The following DNASE2B variants were observed in gnomAD, a reference collection of about 807,000 sequenced individuals.
DNASE2B encodes the protein deoxyribonuclease 2 beta, also known as deoxyribonuclease-2-beta.
A neutral mutation model predicts 46.0 loss-of-function variants in DNASE2B; 43 were observed. That is an observed-to-expected ratio of 0.94 (90% CI 0.73 to 1.21). DNASE2B has a LOEUF of 1.21. Ranked by LOEUF, DNASE2B falls within the 50% of genes most tolerant of loss-of-function variation. The probability of loss-of-function intolerance (pLI) is 0.00; values close to 1 mark genes in which losing one functional copy is unlikely to be tolerated. For synonymous variants in DNASE2B, 156 were observed against 152.5 expected (o/e 1.02, Z -0.17); for missense variants, 395 against 414.4 (o/e 0.95, Z 0.41).
chr1:84,400,464 G>T (rs1489432147), intron 1 of DNASE2B, among the ~76,000 whole-genome samples: 1 of 152,202 alleles, frequency 6.6e-6, no homozygotes, highest in Non-Finnish European at 1.5e-5. Context: ...TAATAGTGTG[G>T]GATGAGCAGA....
chr1:84,408,550 A>C, intron 3 of DNASE2B, 32 bp downstream of exon 3: 1 of 1,579,804 alleles, frequency 6.3e-7, no homozygotes, highest in Non-Finnish European at 8.6e-7. Context: ...TCTCTTTCCT[A>C]CTGGAAATCA....
intron 1 of DNASE2B, among the ~76,000 whole-genome samples, chr1:84,400,694 C>A (rs1472383584): frequency 6.6e-6 from 1 of 152,214 alleles, no homozygotes; most frequent in Admixed American, 6.5e-5. Flanking sequence ...TTCACAAACC[C>A]TTCACTGGTG....
Position 84,399,176 on chromosome 1 carries a change from C to T in DNASE2B, c.125+487C>T, listed in dbSNP as rs138628784. Among the ~76,000 whole-genome samples, 635 of 152,356 alleles carry T rather than the reference C, an allele frequency of 4.2e-3. 9 individuals carry two copies. Among genetic ancestry groups the T allele is most frequent in the African/African-American group, 0.014 (584 of 41,576 alleles). Reference sequence around the variant, plus strand: ...ACATCGGTTTGTTTGGAAGCAGAGGCAGCTGTTGCCATGATTGGTACGTAG... The same window carrying T: ...ACATCGGTTTGTTTGGAAGCAGAGGTAGCTGTTGCCATGATTGGTACGTAG... On this transcript the variant is annotated intron_variant, in intron 1 of 5. Transcript: ENST00000370665.
chr1:84,414,753 A>G lies in DNASE2B; in HGVS notation c.971A>G (p.Asp324Gly). The change falls in exon 6 of 6, where the codon GAC becomes GGC. Residue 324 changes from aspartate (D) to glycine (G), a missense_variant. Asp to Gly is a moderately conservative substitution (Grantham distance 94). Transcript: ENST00000370665. ...AAAAATCGCTGGACATGTATTGGAG[A>G]CCTAAATCGGAGTCCACACCAAGCC... ...GTKNRWTCIG[D>G]LNRSPHQAFR... 6.2e-7 allele frequency: 1 copy of G among 1,614,174 alleles called. No individual in the cohort carries two copies. Among genetic ancestry groups the G allele is most frequent in the Non-Finnish European group, 8.5e-7 (1 of 1,180,020 alleles).
Position 84,404,463 on chromosome 1 carries a change from C to T in DNASE2B, c.303+2385C>T, listed in dbSNP as rs539432917. Among the ~76,000 whole-genome samples the T allele has an allele frequency of 3.7e-3, 558 of 152,286 alleles. 4 individuals carry two copies. The highest frequency in any genetic ancestry group is 5.1e-3 in the Non-Finnish European group (344 of 68,032). On this transcript the variant is annotated intron_variant, in intron 2 of 5. Transcript: ENST00000370665. The stretch of plus-strand genomic sequence containing the variant: ...CCTATAACAGAAATGGCATCTTCAA[C>T]GCTGTAATCCTTTCATGTGTTCTAT...
At chr1:84,412,149 C>T (rs1367743115) in intron 4 of DNASE2B, among the ~76,000 whole-genome samples, 200 bp from the exon 5 acceptor site, 1 of 152,036 alleles carries the variant, frequency 6.6e-6, no homozygotes, top group African/African-American at 2.4e-5. Context: ...ACTTGTAGGA[C>T]CATGTCTGGA....
intron 2 of DNASE2B, among the ~76,000 whole-genome samples, chr1:84,405,504 A>G (rs747790013): frequency 2.6e-5 from 4 of 152,184 alleles, no homozygotes; most frequent in Non-Finnish European, 2.9e-5. Context: ...AAGCAATTCA[A>G]CATCTTCTTA....
chr1:84,407,025 A>G lies in DNASE2B; in HGVS notation c.304-1412A>G, dbSNP rs374365499. On this transcript the variant is annotated intron_variant, in intron 2 of 5. Transcript: ENST00000370665. ...CTGTACCCCTCTTGTTCAACACTCA[A>G]TAGTCAAAACAATACTGAACATATG... is the stretch of plus-strand genomic sequence containing the variant. Among the ~76,000 whole-genome samples the G allele has an allele frequency of 3.9e-5, 6 of 152,176 alleles. No individual in the cohort carries two copies. The East Asian group carries it at 5.8e-4, about 15-fold the overall frequency.
chr1:84,405,794 T>C (rs1680483716), intron 2 of DNASE2B, among the ~76,000 whole-genome samples: 1 of 152,212 alleles, frequency 6.6e-6, no homozygotes, highest in South Asian at 2.1e-4. Context: ...ATTATTACAG[T>C]AGTACAGTAT....
chr1:84,412,678 GAA>G, intron 5 of DNASE2B, 132 bp downstream of exon 5: 2 of 931,322 alleles, frequency 2.1e-6, no homozygotes, highest in South Asian at 4.7e-5. Flanking sequence ...AAGGAAAAAG[GAA>G]AGTCACGGAT....
chr1:84,412,354 C>T lies in DNASE2B; in HGVS notation c.553C>T (p.Gln185Ter), dbSNP rs1445091114. 6.5e-7 allele frequency: 1 copy of T among 1,537,280 alleles called. No individual in the cohort carries two copies. The highest frequency in any genetic ancestry group is 8.8e-7 in the Non-Finnish European group (1 of 1,136,592). ...TTTACTGTTTCTTGATTCAGATTCT[C>T]AGCTCTTGGTCTGCAACCCCAACGT... ...KYNQYEAIDSQLLVCNPNVYS... is the reference protein window; with the variant it reads ...KYNQYEAIDS The change falls in exon 5 of 6, where the codon CAG becomes TAG. Residue 185 changes from glutamine (Q) to a stop codon, truncating the protein, a stop_gained. Coordinates refer to ENST00000370665, the MANE Select transcript of DNASE2B (RefSeq NM_021233.3). LOFTEE classifies it high-confidence loss of function.
Position 84,414,416 on chromosome 1 carries a change from C to T in DNASE2B, c.746-112C>T, listed in dbSNP as rs964882890. On this transcript the variant is annotated intron_variant, in intron 5 of 5. Coordinates refer to ENST00000370665, the MANE Select transcript of DNASE2B (RefSeq NM_021233.3). Reference sequence around the variant, plus strand: ...TCAATTATGTTGTTATTATTGTGCTCGTGACATCCACATATCAGGGGTGAA... The same window carrying T: ...TCAATTATGTTGTTATTATTGTGCTTGTGACATCCACATATCAGGGGTGAA... 368 of 873,864 alleles carry T rather than the reference C, an allele frequency of 4.2e-4. 2 individuals are homozygous for T. The Middle Eastern group carries it at 4.5e-3, about 11-fold the overall frequency. The allele number at this position is 873,864 out of a possible 1,614,324, so 54.1% of individuals were successfully genotyped here.
At chr1:84,414,173 C>T (rs1193009211) in intron 5 of DNASE2B, among the ~76,000 whole-genome samples, 1 of 152,194 alleles carries the variant, frequency 6.6e-6, no homozygotes, top group Non-Finnish European at 1.5e-5. Context: ...AATCCAAACA[C>T]TTTGGCATGA....
At position 84,412,530 on chromosome 1, in the gene DNASE2B, G is replaced by C. The variant is rs773317220; in HGVS notation, c.729G>C (p.Ser243=). 2.4e-5 allele frequency: 38 copies of C among 1,609,276 alleles called. No individual in the cohort carries two copies. Among genetic ancestry groups the C allele is most frequent in the Non-Finnish European group, 3.2e-5 (38 of 1,177,576 alleles). Residue 243 remains serine (S), a synonymous_variant, in exon 5 of 6, where the codon TCG becomes TCC. Transcript: ENST00000370665. ...AAAAATTCCTCCATTTTGCAAAGTC[G>C]GATTCTTTTCTTGACGGTATGAAAG... ...QGQKFLHFAK[S]DSFLDDIFAA... is the part of the protein sequence containing the mutation.
intron 3 of DNASE2B, among the ~76,000 whole-genome samples, chr1:84,409,593 T>C (rs958685664): frequency 6.6e-6 from 1 of 152,182 alleles, no homozygotes; most frequent in African/African-American, 2.4e-5. Context: ...TCATGAACTT[T>C]GAAAGCTTTT....
chr1:84,409,531 T>A (rs1680551410), intron 3 of DNASE2B, among the ~76,000 whole-genome samples: 1 of 152,216 alleles, frequency 6.6e-6, no homozygotes, highest in Admixed American at 6.5e-5. Context: ...GCTCAGAGGA[T>A]GTCAGTTTGC....
intron 3 of DNASE2B, 108 bp from the exon 4 acceptor site, chr1:84,410,730 A>G: frequency 9.5e-7 from 1 of 1,052,780 alleles, no homozygotes; most frequent in Middle Eastern, 2.1e-4. Context: ...TTAGCCTAAT[A>G]AAACACTAGT....
At chr1:84,408,606 T>A in intron 3 of DNASE2B, 88 bp downstream of exon 3, 1 of 1,084,102 alleles carries the variant, frequency 9.2e-7, no homozygotes, top group Non-Finnish European at 1.3e-6. Context: ...TATTCCATAC[T>A]AAATAGATAG....
At chr1:84,408,334 A>G (rs1680527089) in intron 2 of DNASE2B, 103 bp from the exon 3 acceptor site, 3 of 1,405,006 alleles carry the variant, frequency 2.1e-6, no homozygotes, top group Non-Finnish European at 2.8e-6. Flanking sequence ...TCTCATGTGT[A>G]TTAATGAAAG....
Sources: allele counts gnomAD v4.1 joint callset (sites outside exome capture counted in the v4.1 genomes callset), GRCh38; gene constraint gnomAD v4.1.1; transcripts MANE v1.5; gene names NCBI Gene and HGNC (gene_info 2026-07-23, HGNC 2026-07-21).